CPA6: variants seen among roughly 807,000 people sequenced by gnomAD.
CPA6 encodes carboxypeptidase A6.
A neutral mutation model predicts 63.3 loss-of-function variants in CPA6; 58 were observed. The observed-to-expected ratio is 0.92, with a 90% CI of 0.74 to 1.14. CPA6 has a LOEUF of 1.14. Among genes scored for constraint, CPA6 ranks in the 50% most tolerant of loss-of-function variants. CPA6 has a pLI of 0.00. For missense variants in CPA6, 565 were observed against 526.6 expected (o/e 1.07, Z -0.71); for synonymous variants, 185 against 179.0 (o/e 1.03, Z -0.27).
chr8:67,458,661 T>C (rs182329730), intron 8 of CPA6, among the ~76,000 whole-genome samples: 35 of 152,304 alleles, frequency 2.3e-4, no homozygotes, highest in African/African-American at 8.2e-4. Flanking sequence ...GACACATCTT[T>C]TAAAGCGTTA....
At chr8:67,730,249 T>C (rs1410084923) in intron 1 of CPA6, among the ~76,000 whole-genome samples, 1 of 152,206 alleles carries the variant, frequency 6.6e-6, no homozygotes, top group Non-Finnish European at 1.5e-5. Context: ...GGTTTGGTTA[T>C]TTGCTAGGAT....
chr8:67,451,446 C>T (rs935588169), intron 8 of CPA6, among the ~76,000 whole-genome samples: 3 of 152,172 alleles, frequency 2.0e-5, no homozygotes, highest in African/African-American at 7.2e-5. Flanking sequence ...ATGGGACTGT[C>T]TAGTTTCAGG....
intron 2 of CPA6, among the ~76,000 whole-genome samples, chr8:67,552,414 A>G (rs761193119): frequency 1.3e-4 from 20 of 152,184 alleles, no homozygotes; most frequent in African/African-American, 4.3e-4. Context: ...TGCTCAATAT[A>G]TATCAATGGG....
intron 5 of CPA6, 139 bp from the exon 6 acceptor site, chr8:67,507,027 A>G (rs1811944089): frequency 7.0e-6 from 4 of 574,132 alleles, no homozygotes; most frequent in East Asian, 2.8e-5. Context: ...GGGAGTTCCT[A>G]TCTATCTCGA....
intron 1 of CPA6, among the ~76,000 whole-genome samples, chr8:67,706,264 T>G (rs189869470): frequency 4.3e-4 from 66 of 152,334 alleles, no homozygotes; most frequent in African/African-American, 1.5e-3. Flanking sequence ...CAGTTTGCCA[T>G]GTCCCCAAGC....
intron 7 of CPA6, among the ~76,000 whole-genome samples, chr8:67,484,269 T>C (rs528362375): frequency 9.9e-5 from 15 of 151,560 alleles, no homozygotes. Context: ...AGACGGGGTT[T>C]CACGGTGTTA....
intron 1 of CPA6, among the ~76,000 whole-genome samples, chr8:67,676,284 C>T (rs973879907): frequency 2.6e-5 from 4 of 152,224 alleles, no homozygotes; most frequent in African/African-American, 9.6e-5. Flanking sequence ...CACCAAGTGG[C>T]ATCCAACAGA....
chr8:67,504,493 C>T (rs1243914144), intron 6 of CPA6, among the ~76,000 whole-genome samples: 1 of 152,210 alleles, frequency 6.6e-6, no homozygotes, highest in Non-Finnish European at 1.5e-5. Context: ...CTTGCTTTCT[C>T]TCTCACCTGC....
intron 1 of CPA6, among the ~76,000 whole-genome samples, chr8:67,738,983 A>C (rs1203907575): frequency 6.6e-6 from 1 of 152,244 alleles, no homozygotes. Flanking sequence ...ATAGGCTGTG[A>C]AGTTATAAAA....
chr8:67,591,513 C>T (rs1045339074), intron 2 of CPA6, among the ~76,000 whole-genome samples: 2 of 152,180 alleles, frequency 1.3e-5, no homozygotes, highest in African/African-American at 4.8e-5. Flanking sequence ...TCTTCCTACC[C>T]ACGAGCATGG....
At chr8:67,659,139 G>A (rs761416306) in intron 1 of CPA6, among the ~76,000 whole-genome samples, 24 of 152,258 alleles carry the variant, frequency 1.6e-4, no homozygotes, top group Admixed American at 3.3e-4. Context: ...CTCTCCATGC[G>A]TTTCTTGTTC....
chr8:67,578,719 T>A (rs1813689587), intron 2 of CPA6, among the ~76,000 whole-genome samples: 1 of 152,204 alleles, frequency 6.6e-6, no homozygotes, highest in African/African-American at 2.4e-5. Context: ...AATTTAGGAA[T>A]AAGTAAAAAC....
At chr8:67,548,101 T>C (rs913114360) in intron 2 of CPA6, among the ~76,000 whole-genome samples, 9 of 135,462 alleles carry the variant, frequency 6.6e-5, no homozygotes, top group Non-Finnish European at 1.1e-4. Context: ...CTCTTTCTCT[T>C]TCCTTCCTTC....
intron 1 of CPA6, among the ~76,000 whole-genome samples, chr8:67,707,483 G>A (rs1014401459): frequency 7.2e-5 from 11 of 152,198 alleles, no homozygotes; most frequent in Non-Finnish European, 1.6e-4. Flanking sequence ...CTATATGTGA[G>A]TATTCTTAAC....
At position 67,683,312 on chromosome 8, in the gene CPA6, C is replaced by T. The variant is rs1038777026; in HGVS notation, c.117-59061G>A. ...AACTGTTTAAGCCTTTTATGTCAAT[C>T]TTTGCACCACTTACTTAATTTGCCT... On this transcript the variant is annotated intron_variant, in intron 1 of 10. Transcript: ENST00000297770. Among the ~76,000 whole-genome samples, 3 of 152,222 alleles carry T rather than the reference C, an allele frequency of 2.0e-5. No homozygotes were observed. In the East Asian group the frequency reaches 5.8e-4, roughly 29 times the overall value.
intron 2 of CPA6, among the ~76,000 whole-genome samples, 146 bp downstream of exon 2, chr8:67,624,020 CAAAATAAAAT>C (rs767653104): frequency 1.3e-5 from 2 of 151,632 alleles, no homozygotes; most frequent in African/African-American, 4.9e-5. Flanking sequence ...TAAAATAAAA[CAAAATAAAAT>C]AAAATAAAAT....
chr8:67,552,277 C>T (rs1812955599), intron 2 of CPA6, among the ~76,000 whole-genome samples: 1 of 152,196 alleles, frequency 6.6e-6, no homozygotes, highest in African/African-American at 2.4e-5. Flanking sequence ...CTTACCAAAG[C>T]TTGGGACACA....
intron 2 of CPA6, among the ~76,000 whole-genome samples, chr8:67,595,350 A>G (rs1814298312): frequency 6.6e-6 from 1 of 152,154 alleles, no homozygotes; most frequent in Non-Finnish European, 1.5e-5. Context: ...CCACTTGAGG[A>G]GGCAGTCTGC....
intron 2 of CPA6, among the ~76,000 whole-genome samples, chr8:67,560,179 T>TATATATATATATATATATATATATATA (rs1813173755): frequency 1.2e-5 from 1 of 81,230 alleles, no homozygotes. Context: ...ATATATATAT[T>TATATATATATATATATATATATATATA]CCAGATGTAC....
Sources: allele counts gnomAD v4.1 joint callset (sites outside exome capture counted in the v4.1 genomes callset), GRCh38; gene constraint gnomAD v4.1.1; transcripts MANE v1.5; gene names NCBI Gene and HGNC (gene_info 2026-07-23, HGNC 2026-07-21).